PTPRG: variants seen among roughly 807,000 people sequenced by gnomAD.
PTPRG encodes protein tyrosine phosphatase receptor type G.
A neutral mutation model predicts 165.3 loss-of-function variants in PTPRG; 102 were observed. The ratio of observed to expected loss-of-function variants is 0.62; its 90% CI spans 0.53 to 0.73. The LOEUF (loss-of-function observed/expected upper bound fraction) is 0.73, where lower values mean the gene tolerates loss of function less well. Among genes scored for constraint, PTPRG ranks in the 30% least tolerant of loss-of-function variants. PTPRG has a pLI of 0.00. For missense variants in PTPRG, 1,866 were observed against 1,861.4 expected (o/e 1.00, Z -0.05); for synonymous variants, 675 against 669.5 (o/e 1.01, Z -0.13).
At chr3:61,997,679 G>C (rs748357831) in intron 3 of PTPRG, among the ~76,000 whole-genome samples, 1 of 152,112 alleles carries the variant, frequency 6.6e-6, no homozygotes, top group Non-Finnish European at 1.5e-5. Flanking sequence ...CCTTCCCATC[G>C]GCTGTAAGTT....
intron 1 of PTPRG, among the ~76,000 whole-genome samples, chr3:61,597,923 GA>G (rs1158707646): frequency 6.6e-6 from 1 of 152,154 alleles, no homozygotes; most frequent in Non-Finnish European, 1.5e-5. Context: ...ATTCTAGCAT[GA>G]AAAATCCACT....
At chr3:61,813,840 T>C (rs1219222374) in intron 2 of PTPRG, among the ~76,000 whole-genome samples, 1 of 151,668 alleles carries the variant, frequency 6.6e-6, no homozygotes, top group Non-Finnish European at 1.5e-5. Flanking sequence ...CTGTAATACA[T>C]GCTTTTCACA....
At position 62,245,843 on chromosome 3, in the gene PTPRG, C is replaced by G. The variant is rs1317297504; in HGVS notation, c.2467+1945C>G. Among the ~76,000 whole-genome samples, 1 of 152,102 alleles carries G rather than the reference C, an allele frequency of 6.6e-6. No homozygotes were observed. Among genetic ancestry groups the G allele is most frequent in the African/African-American group, 2.4e-5 (1 of 41,430 alleles). ...TTAAAATTGTGTCCCTGACACCGAACTACATCCACTAGGTGTGCCCTACCT... is the reference window on the plus strand; with the variant it reads ...TTAAAATTGTGTCCCTGACACCGAAGTACATCCACTAGGTGTGCCCTACCT... On this transcript the variant is annotated intron_variant, in intron 15 of 29. Transcript: ENST00000474889. The surrounding 1 kb of genome is among the most constrained non-coding windows in gnomAD (Gnocchi z 4.2).
At chr3:61,671,781 C>T (rs1703000708) in intron 1 of PTPRG, among the ~76,000 whole-genome samples, 1 of 142,088 alleles carries the variant, frequency 7.0e-6, no homozygotes, top group Admixed American at 6.9e-5. Flanking sequence ...GACCCCCCCA[C>T]CTCCCTCCCG....
intron 16 of PTPRG, chr3:62,261,787 G>T (rs1701706522): frequency 6.6e-6 from 1 of 151,946 alleles, no homozygotes; most frequent in South Asian, 2.1e-4. Context: ...TTCTCCCTGG[G>T]GAAGTACTTT....
chr3:61,997,683 G>C (rs986593556), intron 3 of PTPRG, among the ~76,000 whole-genome samples: 1 of 152,180 alleles, frequency 6.6e-6, no homozygotes, highest in Non-Finnish European at 1.5e-5. Flanking sequence ...CCCATCGGCT[G>C]TAAGTTCCAT....
chr3:61,801,123 A>T (rs181959614), intron 2 of PTPRG, among the ~76,000 whole-genome samples: 9 of 152,194 alleles, frequency 5.9e-5, no homozygotes, highest in Admixed American at 1.3e-4. Flanking sequence ...TGCAAAACAG[A>T]TGCACTGGCA....
chr3:61,787,543 A>G (rs2034743936), intron 2 of PTPRG, among the ~76,000 whole-genome samples: 1 of 152,222 alleles, frequency 6.6e-6, no homozygotes, highest in African/African-American at 2.4e-5. Flanking sequence ...AAGAGCCCCT[A>G]AGTAATGCGG....
At chr3:62,036,321 A>G (rs79175702) in intron 4 of PTPRG, among the ~76,000 whole-genome samples, 8,069 of 152,258 alleles carry the variant, frequency 0.053, 308 homozygotes, top group Non-Finnish European at 0.081. Context: ...AAAGAAATCC[A>G]TATTGAAGAA....
At chr3:61,775,940 G>C (rs532333537) in intron 2 of PTPRG, among the ~76,000 whole-genome samples, 4 of 150,044 alleles carry the variant, frequency 2.7e-5, no homozygotes, top group African/African-American at 9.8e-5. Context: ...GGTAGGGGGA[G>C]GGGGGAGGGA....
chr3:62,278,929 C>G (rs1410585632), intron 26 of PTPRG, among the ~76,000 whole-genome samples: 1 of 151,904 alleles, frequency 6.6e-6, no homozygotes, highest in Admixed American at 6.6e-5. Flanking sequence ...AAGCATCTAC[C>G]CAGCAGCTCA....
intron 5 of PTPRG, among the ~76,000 whole-genome samples, chr3:62,116,794 C>T (rs998908860): frequency 2.0e-5 from 3 of 152,238 alleles, no homozygotes; most frequent in African/African-American, 7.2e-5. Context: ...TCACAACACA[C>T]ATTTCTTCTG....
intron 4 of PTPRG, among the ~76,000 whole-genome samples, chr3:62,037,977 A>G (rs1700004669): frequency 6.6e-6 from 1 of 152,310 alleles, no homozygotes; most frequent in East Asian, 1.9e-4. Context: ...TCAGGGGAGT[A>G]GGGGTGGGCA....
In PTPRG at chr3:62,196,404, G is replaced by C. The variant is rs1218541718; in HGVS notation, c.1327+1234G>C. On this transcript the variant is annotated intron_variant, in intron 10 of 29. Transcript: ENST00000474889. The stretch of plus-strand genomic sequence containing the variant: ...GGCAACAAGAGTAAAACTCCGTCTC[G>C]AAAAATGAAAATATAATAAAATAGA... 2.0e-5 allele frequency among the ~76,000 whole-genome samples: 3 copies of C among 151,878 alleles called. No homozygotes were observed. In the East Asian group the frequency reaches 5.8e-4, roughly 30 times the overall value.
chr3:61,993,050 C>G (rs1326083216), intron 3 of PTPRG, among the ~76,000 whole-genome samples: 1 of 151,962 alleles, frequency 6.6e-6, no homozygotes, highest in East Asian at 1.9e-4. Context: ...TCTGTTTTGT[C>G]TGGAACATAT....
intron 13 of PTPRG, among the ~76,000 whole-genome samples, chr3:62,225,226 C>A (rs928245974): frequency 6.6e-6 from 1 of 152,170 alleles, no homozygotes; most frequent in Admixed American, 6.5e-5. Flanking sequence ...CCCTGCCTTA[C>A]CAAGACAAGC....
chr3:62,178,338 T>TA lies in PTPRG; in HGVS notation c.1033+10181dup, dbSNP rs1198423345. Among the ~76,000 whole-genome samples, 116 of 152,214 alleles carry TA rather than the reference T, an allele frequency of 7.6e-4. 1 individual carries two copies. The highest frequency in any genetic ancestry group is 2.5e-4 in the Non-Finnish European group (17 of 67,992). On this transcript the variant is annotated intron_variant, in intron 8 of 29. Transcript: ENST00000474889. Reference sequence around the variant, plus strand: ...CATATACATATCAGGTGGCCAGGAATAAAAAATTCTTACCAAAAGAGTTTG... The same window carrying TA: ...CATATACATATCAGGTGGCCAGGAATAAAAAAATTCTTACCAAAAGAGTTTG...
chr3:61,896,115 G>A (rs1198232229), intron 2 of PTPRG, among the ~76,000 whole-genome samples: 1 of 151,964 alleles, frequency 6.6e-6, no homozygotes, highest in African/African-American at 2.4e-5. Context: ...TTTGTCATTT[G>A]CGTAGGTTCA....
intron 4 of PTPRG, among the ~76,000 whole-genome samples, chr3:62,065,651 C>T (rs1401672161): frequency 1.3e-5 from 2 of 152,164 alleles, no homozygotes; most frequent in Non-Finnish European, 2.9e-5. Flanking sequence ...GGAAATAACT[C>T]ATTCATTCAT....
Sources: allele counts gnomAD v4.1 joint callset (sites outside exome capture counted in the v4.1 genomes callset), GRCh38; gene constraint gnomAD v4.1.1; non-coding constraint Gnocchi (gnomAD v3.1); transcripts MANE v1.5; gene names NCBI Gene and HGNC (gene_info 2026-07-23, HGNC 2026-07-21).